The following PACS2 variants were observed in gnomAD, a reference collection of about 807,000 sequenced individuals.
The protein encoded by PACS2 is PACS1-like protein.
A neutral mutation model predicts 113.0 loss-of-function variants in PACS2; 36 were observed. The ratio of observed to expected loss-of-function variants is 0.32; its 90% CI spans 0.24 to 0.42. The LOEUF (loss-of-function observed/expected upper bound fraction) is 0.42, where lower values mean the gene tolerates loss of function less well. Ranked by LOEUF, PACS2 falls within the 10% of genes least tolerant of loss-of-function variation. The pLI is 1.00. For missense variants in PACS2, 1,015 were observed against 1,239.5 expected (o/e 0.82, Z 2.72); for synonymous variants, 589 against 536.1 (o/e 1.10, Z -1.36).
chr14:105,336,932 C>T (rs781816353), intron 1 of PACS2, among the ~76,000 whole-genome samples: 5 of 152,180 alleles, frequency 3.3e-5, no homozygotes, highest in Non-Finnish European at 7.3e-5. Context: ...AGATCTCCAC[C>T]CTGTGTTCAC....
intron 4 of PACS2, among the ~76,000 whole-genome samples, chr14:105,362,596 A>G (rs1304158462): frequency 6.6e-6 from 1 of 152,158 alleles, no homozygotes; most frequent in African/African-American, 2.4e-5. Flanking sequence ...CACACCTGTA[A>G]TCCCAGCACT....
At chr14:105,351,947 C>T (rs868974809) in intron 2 of PACS2, among the ~76,000 whole-genome samples, 2 of 152,254 alleles carry the variant, frequency 1.3e-5, no homozygotes, top group Non-Finnish European at 2.9e-5. Context: ...TGCTTGAGCC[C>T]GGGAGCTCAA....
chr14:105,390,799 C>T (rs1325061472), intron 20 of PACS2: 1 of 263,886 alleles, frequency 3.8e-6, no homozygotes, highest in Non-Finnish European at 7.3e-6. Context: ...TCCCATGCAA[C>T]CAAGGCCCTG....
intron 1 of PACS2, among the ~76,000 whole-genome samples, chr14:105,331,523 C>T (rs78994632): frequency 0.023 from 3,548 of 152,280 alleles, 157 homozygotes; most frequent in African/African-American, 0.08. Context: ...CTCGAGTCAT[C>T]CTCCCATTTC....
In PACS2 at chr14:105,354,914, G is replaced by A. The variant is rs1408928501; in HGVS notation, c.298-138G>A. On this transcript the variant is annotated intron_variant, in intron 3 of 24. Transcript: ENST00000447393. This position sits in a 1 kb window ranked among gnomAD's most constrained non-coding sequence, Gnocchi z 4.2. ...GCCACTGGGATGAACTTGGGGGCCC[G>A]TCTGTGGGTGCCCTTCCGATCTCAT... The A allele has an allele frequency of 2.8e-5, 21 of 751,654 alleles. No individual in the cohort carries two copies. The highest frequency in any genetic ancestry group is 2.0e-4 in the South Asian group (11 of 55,460). The allele number at this position is 751,654 out of a possible 1,614,324, so 46.6% of individuals were successfully genotyped here.
In PACS2 at chr14:105,304,368, G is replaced by A. The variant is rs587753859; in HGVS notation, c.-83+3389G>A. Among the ~76,000 whole-genome samples, 15 of 152,206 alleles carry A rather than the reference G, an allele frequency of 9.9e-5. No individual in the cohort carries two copies. In the South Asian group the frequency reaches 3.1e-3, roughly 32 times the overall value. ...GCAGGTGTGATGGTGGGCGCCTGTA[G>A]TTCCAGCTACTCGGGAGGCTGAGGC... On this transcript the variant is annotated intron_variant, in intron 1 of 23. Coordinates refer to the PACS2 transcript ENST00000430725.
chr14:105,320,948 T>C (rs1303761564), intron 1 of PACS2, among the ~76,000 whole-genome samples: 1 of 152,022 alleles, frequency 6.6e-6, no homozygotes, highest in African/African-American at 2.4e-5. Flanking sequence ...AGGTTAGGAG[T>C]TCGAGACCAG....
chr14:105,375,251 G>T (rs1056442998), intron 8 of PACS2, among the ~76,000 whole-genome samples: 1 of 152,072 alleles, frequency 6.6e-6, no homozygotes, highest in Non-Finnish European at 1.5e-5. Context: ...AGGCCGAGGC[G>T]GGTGGATTAC....
chr14:105,380,074 C>G lies in PACS2; in HGVS notation c.1051-6C>G. 4.5e-6 allele frequency: 7 copies of G among 1,552,054 alleles called. No individual in the cohort carries two copies. The highest frequency in any genetic ancestry group is 6.1e-6 in the Non-Finnish European group (7 of 1,147,408). On this transcript the variant is annotated splice_polypyrimidine_tract_variant and splice_region_variant and intron_variant, in intron 10 of 24. Coordinates refer to ENST00000447393, the MANE Select transcript of PACS2 (RefSeq NM_001100913.3). ...CACAAGCTGATTCCCATCTCCTCCC[C>G]CACAGGCTGACGTGCCCGAGAAGAC...
intron 4 of PACS2, among the ~76,000 whole-genome samples, chr14:105,362,093 G>C (rs1555406612): frequency 6.6e-6 from 1 of 151,730 alleles, no homozygotes; most frequent in African/African-American, 2.4e-5. Context: ...TTGCACTCCA[G>C]CCTGGGCAAC....
intron 19 of PACS2, among the ~76,000 whole-genome samples, chr14:105,387,058 CGTGTTGCAGGG>C (rs2081200833): frequency 6.6e-6 from 1 of 152,196 alleles, no homozygotes. Context: ...CCCCTGCCTC[CGTGTTGCAGGG>C]GTGACACTGG....
chr14:105,385,986 G>A (rs2081164173), intron 19 of PACS2, among the ~76,000 whole-genome samples: 1 of 152,202 alleles, frequency 6.6e-6, no homozygotes, highest in Non-Finnish European at 1.5e-5. Context: ...CCTGTCCCTG[G>A]CCAGGCCCGT....
intron 20 of PACS2, chr14:105,390,512 C>T (rs1302292890): frequency 3.9e-5 from 7 of 179,304 alleles, no homozygotes; most frequent in African/African-American, 7.0e-5. Context: ...GCCATCTTTT[C>T]GCTCTGTTGT....
At chr14:105,390,163 C>T in intron 20 of PACS2, 160 bp downstream of exon 20, 6 of 731,722 alleles carry the variant, frequency 8.2e-6, no homozygotes, top group East Asian at 7.4e-5. Flanking sequence ...AAGCTCGCTT[C>T]CTTCCCTGCT....
intron 1 of PACS2, among the ~76,000 whole-genome samples, chr14:105,333,166 CA>C (rs1679445521): frequency 6.6e-6 from 1 of 152,208 alleles, no homozygotes; most frequent in African/African-American, 2.4e-5. Flanking sequence ...CGTGTGCACA[CA>C]CACCCTGGCC....
At chr14:105,304,786 C>T (rs760063119) in intron 1 of PACS2, among the ~76,000 whole-genome samples, 2 of 152,224 alleles carry the variant, frequency 1.3e-5, no homozygotes, top group Non-Finnish European at 2.9e-5. Context: ...ACGTGGATGG[C>T]AGCAGGGAGA....
intron 1 of PACS2, among the ~76,000 whole-genome samples, chr14:105,301,590 C>T (rs1467326518): frequency 6.6e-6 from 1 of 152,222 alleles, no homozygotes; most frequent in Non-Finnish European, 1.5e-5. Context: ...CCCCGCCCTC[C>T]GCATTTGCGG....
chr14:105,305,644 G>A (rs2058165373), intron 1 of PACS2, among the ~76,000 whole-genome samples: 1 of 152,234 alleles, frequency 6.6e-6, no homozygotes, highest in South Asian at 2.1e-4. Context: ...CCCACGTGAT[G>A]TGAAGGCATA....
intron 4 of PACS2, among the ~76,000 whole-genome samples, chr14:105,362,361 G>C (rs1485438946): frequency 6.7e-6 from 1 of 149,202 alleles, no homozygotes; most frequent in Admixed American, 6.7e-5. Context: ...AGCTTGCAGT[G>C]AGCCGAGATC....
Sources: allele counts gnomAD v4.1 joint callset (sites outside exome capture counted in the v4.1 genomes callset), GRCh38; gene constraint gnomAD v4.1.1; non-coding constraint Gnocchi (gnomAD v3.1); transcripts MANE v1.5; gene names NCBI Gene and HGNC (gene_info 2026-07-23, HGNC 2026-07-21).